TIMD4: variants seen among roughly 807,000 people sequenced by gnomAD.
TIMD4 encodes the protein T-cell immunoglobulin and mucin domain-containing protein 4.
A neutral mutation model predicts 41.2 loss-of-function variants in TIMD4; 31 were observed. The ratio of observed to expected loss-of-function variants is 0.75; its 90% confidence interval spans 0.57 to 1.01. The LOEUF is 1.01. Ranked by LOEUF, TIMD4 falls within the 50% of genes least tolerant of loss-of-function variation. The pLI is 0.00. For missense variants in TIMD4, 479 were observed against 472.5 expected (o/e 1.01, Z -0.13); for synonymous variants, 204 against 177.1 (o/e 1.15, Z -1.21).
chr5:156,921,995 C>A (rs1759250396), intron 7 of TIMD4, 104 bp downstream of exon 7: 16 of 818,988 alleles, frequency 2.0e-5, no homozygotes, highest in Middle Eastern at 3.6e-4. Context: ...CAGAACTGAG[C>A]CTCTTTGGGG....
chr5:156,954,633 T>G lies in TIMD4; in HGVS notation c.182A>C (p.Tyr61Ser). The G allele has an allele frequency of 6.2e-7, 1 of 1,614,036 alleles. No homozygotes were observed. Among genetic ancestry groups the G allele is most frequent in the Non-Finnish European group, 8.5e-7 (1 of 1,180,032 alleles). ...GATGAGCGCCTCCTTGCAACCGGAG[T>G]AGGGGCACTGGTCTTTCCCCCAGCA... ...SMCWGKDQCP[Y>S]SGCKEALIRT... The change falls in exon 2 of 9, where the codon TAC becomes TCC. Residue 61 changes from tyrosine to serine, a missense_variant. Coordinates refer to ENST00000274532, the MANE Select transcript of TIMD4 (RefSeq NM_138379.3).
chr5:156,959,216 A>G (rs927314668), intron 1 of TIMD4, among the ~76,000 whole-genome samples: 2 of 152,316 alleles, frequency 1.3e-5, no homozygotes, highest in South Asian at 2.1e-4. Context: ...GCAGGTGCTG[A>G]GTATGGCAGG....
At chr5:156,947,372 C>A (rs1031242628) in intron 5 of TIMD4, among the ~76,000 whole-genome samples, 2 of 152,144 alleles carry the variant, frequency 1.3e-5, no homozygotes, top group African/African-American at 4.8e-5. Context: ...GAACATTTTT[C>A]TACAAGCTAT....
intron 5 of TIMD4, among the ~76,000 whole-genome samples, chr5:156,947,593 C>T (rs1157897655): frequency 6.6e-6 from 1 of 152,200 alleles, no homozygotes; most frequent in Admixed American, 6.5e-5. Context: ...TGAAATATTA[C>T]ACAGCAATTT....
chr5:156,960,388 T>A (rs574532953), intron 1 of TIMD4, among the ~76,000 whole-genome samples: 2 of 151,382 alleles, frequency 1.3e-5, no homozygotes, highest in Non-Finnish European at 2.9e-5. Context: ...ATTCTGTAGA[T>A]TGTTTTTTTC....
At chr5:156,938,536 G>A (rs184745955) in intron 5 of TIMD4, among the ~76,000 whole-genome samples, 181 of 152,150 alleles carry the variant, frequency 1.2e-3, no homozygotes, top group African/African-American at 4.2e-3. Flanking sequence ...AGGTCAACAC[G>A]AGATCTGATT....
At position 156,939,578 on chromosome 5, in the gene TIMD4, C is replaced by T. The variant is rs1248392758; in HGVS notation, c.844+8838G>A. 2.0e-5 allele frequency among the ~76,000 whole-genome samples: 3 copies of T among 152,218 alleles called. No homozygotes were observed. The East Asian group carries it at 5.8e-4, about 29-fold the overall frequency. ...ATGAGTCAGCCCAGACCCACACTTT[C>T]AACTGCCTGTTAGACACTTCTGAGG... On this transcript the variant is annotated intron_variant, in intron 5 of 8. Coordinates refer to ENST00000274532, the MANE Select transcript of TIMD4 (RefSeq NM_138379.3).
intron 4 of TIMD4, 141 bp from the exon 5 acceptor site, chr5:156,948,640 T>G (rs144008655): frequency 2.0e-4 from 79 of 390,804 alleles, no homozygotes; most frequent in African/African-American, 1.5e-3. Flanking sequence ...GACACTGTCT[T>G]AAGTGACCTA....
chr5:156,937,155 G>C (rs1385990305), intron 5 of TIMD4, among the ~76,000 whole-genome samples: 1 of 152,120 alleles, frequency 6.6e-6, no homozygotes, highest in African/African-American at 2.4e-5. Context: ...TATTGAAAGA[G>C]GAGGAAATGA....
intron 6 of TIMD4, among the ~76,000 whole-genome samples, 160 bp downstream of exon 6, chr5:156,926,103 C>T (rs930660702): frequency 7.9e-5 from 12 of 152,170 alleles, no homozygotes; most frequent in Non-Finnish European, 1.8e-4. Flanking sequence ...GGGGTTTTGC[C>T]GTGTTGGCCA....
intron 5 of TIMD4, among the ~76,000 whole-genome samples, chr5:156,947,785 T>C (rs1008225967): frequency 2.0e-5 from 3 of 152,188 alleles, no homozygotes; most frequent in Non-Finnish European, 4.4e-5. Context: ...CCTAGAATGA[T>C]CATCTTCAAC....
Position 156,926,764 on chromosome 5 carries a change from T to C in TIMD4, c.845-452A>G, listed in dbSNP as rs912217610. Among the ~76,000 whole-genome samples, 4 of 152,182 alleles carry C rather than the reference T, an allele frequency of 2.6e-5. No individual in the cohort carries two copies. In the South Asian group the frequency reaches 6.2e-4, roughly 24 times the overall value. On this transcript the variant is annotated intron_variant, in intron 5 of 8. Coordinates refer to ENST00000274532, the MANE Select transcript of TIMD4 (RefSeq NM_138379.3). ...ATGAAATGTAAAAATGTAATGTAAA[T>C]AGTTGAAAACATAATTAGTTACAAG...
intron 5 of TIMD4, among the ~76,000 whole-genome samples, chr5:156,947,541 A>G (rs912056224): frequency 2.0e-5 from 3 of 152,228 alleles, no homozygotes; most frequent in Admixed American, 6.5e-5. Context: ...AACAACCTAA[A>G]TGCCCCTCAA....
At chr5:156,939,235 A>G (rs1361798466) in intron 5 of TIMD4, among the ~76,000 whole-genome samples, 1 of 152,192 alleles carries the variant, frequency 6.6e-6, no homozygotes, top group African/African-American at 2.4e-5. Flanking sequence ...AACCTCTTCA[A>G]GCCTTAGTTT....
intron 5 of TIMD4, among the ~76,000 whole-genome samples, chr5:156,938,199 T>A (rs372562337): frequency 6.6e-6 from 1 of 152,154 alleles, no homozygotes; most frequent in African/African-American, 2.4e-5. Context: ...TAAGGACGAG[T>A]GCTCACTCCT....
chr5:156,919,741 T>TA (rs1759200233), intron 8 of TIMD4, among the ~76,000 whole-genome samples, 200 bp from the exon 9 acceptor site: 1 of 152,170 alleles, frequency 6.6e-6, no homozygotes, highest in Non-Finnish European at 1.5e-5. Context: ...TATAATGAGA[T>TA]AAAAAAGATT....
At chr5:156,940,237 C>T (rs372248914) in intron 5 of TIMD4, among the ~76,000 whole-genome samples, 245 of 152,368 alleles carry the variant, frequency 1.6e-3, no homozygotes, top group South Asian at 0.011. Flanking sequence ...GGATTGCAGA[C>T]GGAGTCTCAC....
intron 5 of TIMD4, among the ~76,000 whole-genome samples, chr5:156,939,750 C>T (rs1759605377): frequency 6.6e-6 from 1 of 152,190 alleles, no homozygotes; most frequent in South Asian, 2.1e-4. Flanking sequence ...CTTCTGACTC[C>T]TAATTGCTAA....
chr5:156,960,351 A>C (rs1384471545), intron 1 of TIMD4, among the ~76,000 whole-genome samples: 1 of 151,912 alleles, frequency 6.6e-6, no homozygotes, highest in African/African-American at 2.4e-5. Flanking sequence ...CCAAAATATA[A>C]GTGTGAAAGT....
Sources: allele counts gnomAD v4.1 joint callset (sites outside exome capture counted in the v4.1 genomes callset), GRCh38; gene constraint gnomAD v4.1.1; transcripts MANE v1.5; gene names NCBI Gene and HGNC (gene_info 2026-07-23, HGNC 2026-07-21).